PEAK1: variants seen among roughly 807,000 people sequenced by gnomAD.
PEAK1 encodes the protein inactive tyrosine-protein kinase PEAK1.
A neutral mutation model predicts 124.7 loss-of-function variants in PEAK1; 54 were observed. That is an observed-to-expected ratio of 0.43 (90% CI 0.35 to 0.54). The LOEUF is 0.54. Ranked by LOEUF, PEAK1 falls within the 20% of genes least tolerant of loss-of-function variation. The pLI, the probability that PEAK1 is intolerant of heterozygous loss-of-function variation, is 0.01. For missense variants in PEAK1, 2,046 were observed against 2,134.5 expected (o/e 0.96, Z 0.82); for synonymous variants, 719 against 760.0 (o/e 0.95, Z 0.89).
Position 77,266,565 on chromosome 15 carries a change from A to C in PEAK1, c.-274-14039T>G, listed in dbSNP as rs140637755. Among the ~76,000 whole-genome samples the C allele has an allele frequency of 4.6e-3, 697 of 152,342 alleles. 19 individuals are homozygous for C. Among genetic ancestry groups the C allele is most frequent in the Admixed American group, 0.038 (585 of 15,296 alleles). On this transcript the variant is annotated intron_variant, in intron 5 of 9. Coordinates refer to ENST00000682557, the MANE Select transcript of PEAK1 (RefSeq NM_001385026.1). ...CAAAATCTCATGACATAATGTCCAA[A>C]ATGTCTAGGTTTTGATTGAAAACCA...
chr15:77,277,894 G>A (rs1384344535), intron 5 of PEAK1, among the ~76,000 whole-genome samples: 1 of 152,086 alleles, frequency 6.6e-6, no homozygotes, highest in Non-Finnish European at 1.5e-5. Flanking sequence ...GATTTTTAGG[G>A]CAGTGAAAAT....
At chr15:77,106,125 G>C (rs1230267503), downstream of PEAK1, 1 of 152,092 alleles carries the variant, frequency 6.6e-6, no homozygotes, top group Non-Finnish European at 1.5e-5. Context: ...TATCCTTTCA[G>C]GGCTCCAGGT....
At chr15:77,205,795 A>T (rs934163507) in intron 6 of PEAK1, among the ~76,000 whole-genome samples, 2 of 152,132 alleles carry the variant, frequency 1.3e-5, no homozygotes, top group African/African-American at 4.8e-5. Flanking sequence ...TAAGCTGGGA[A>T]GTCACTGGAA....
intron 6 of PEAK1, among the ~76,000 whole-genome samples, chr15:77,241,180 T>A (rs986617292): frequency 6.6e-6 from 1 of 151,716 alleles, no homozygotes; most frequent in Non-Finnish European, 1.5e-5. Flanking sequence ...AGTCCAAAAT[T>A]TTTTTTAAAA....
intron 6 of PEAK1, among the ~76,000 whole-genome samples, chr15:77,245,825 C>G (rs573909579): frequency 7.2e-5 from 11 of 152,252 alleles, no homozygotes; most frequent in African/African-American, 2.6e-4. Context: ...TTTTACAGAT[C>G]TATTTACCCT....
intron 6 of PEAK1, among the ~76,000 whole-genome samples, chr15:77,240,446 C>T (rs923156526): frequency 3.3e-5 from 5 of 151,540 alleles, no homozygotes; most frequent in South Asian, 2.1e-4. Context: ...ACAGGAAGTC[C>T]GTCTCTACAA....
At chr15:77,362,927 C>G in intron 2 of PEAK1, among the ~76,000 whole-genome samples, 1 of 152,088 alleles carries the variant, frequency 6.6e-6, no homozygotes, top group East Asian at 1.9e-4. Context: ...GTGATCTTGG[C>G]TCACTGCAAC....
At chr15:77,307,356 A>G (rs1446097187) in intron 2 of PEAK1, among the ~76,000 whole-genome samples, 3 of 152,122 alleles carry the variant, frequency 2.0e-5, no homozygotes, top group African/African-American at 7.2e-5. Context: ...TGACATTTTC[A>G]CAAAGAACAT....
chr15:77,343,918 G>T (rs1208318416), intron 2 of PEAK1, among the ~76,000 whole-genome samples: 1 of 151,996 alleles, frequency 6.6e-6, no homozygotes, highest in Non-Finnish European at 1.5e-5. Context: ...ATCAATGTTG[G>T]GTTAGTTTTC....
At chr15:77,306,470 A>G (rs1205012654) in intron 2 of PEAK1, among the ~76,000 whole-genome samples, 2 of 152,206 alleles carry the variant, frequency 1.3e-5, no homozygotes, top group Non-Finnish European at 2.9e-5. Flanking sequence ...ATACTTTCCT[A>G]TGCCAATCAG....
intron 8 of PEAK1, among the ~76,000 whole-genome samples, chr15:77,136,391 C>A (rs533221994): frequency 1.3e-5 from 2 of 152,102 alleles, no homozygotes; most frequent in African/African-American, 4.8e-5. Context: ...TTTGGTTTGG[C>A]GCAGTGGCTC....
At chr15:77,239,672 A>G (rs1015125732) in intron 6 of PEAK1, 16 of 226,524 alleles carry the variant, frequency 7.1e-5, no homozygotes, top group Non-Finnish European at 1.2e-4. Context: ...AAAATCTTAC[A>G]ATGACTAAAA....
At chr15:77,173,196 T>C (rs2056627714) in intron 7 of PEAK1, among the ~76,000 whole-genome samples, 1 of 152,214 alleles carries the variant, frequency 6.6e-6, no homozygotes, top group African/African-American at 2.4e-5. Context: ...ACAATGCAAC[T>C]GTCAACACAA....
At chr15:77,118,641 A>G (rs941290772) in intron 9 of PEAK1, among the ~76,000 whole-genome samples, 9 of 152,148 alleles carry the variant, frequency 5.9e-5, no homozygotes, top group Non-Finnish European at 1.0e-4. Flanking sequence ...CCTTCTTTAT[A>G]AAGAGTAGCT....
rs778718448 is a variant in PEAK1, at chr15:77,179,194, A to G, written c.2733T>C (p.Ser911=). ...CATCAGCTGCCCGCCTGCTGCCTTC[A>G]GAGTGCAAAACTGATTCAGCTTCTG... is the stretch of plus-strand genomic sequence containing the variant. ...RSTEAESVLH[S]EGSRRAADAK... The change falls in exon 7 of 10, where the codon TCT becomes TCC. Residue 911 remains serine (S), a synonymous_variant. Coordinates refer to ENST00000682557, the MANE Select transcript of PEAK1 (RefSeq NM_001385026.1). 1.9e-6 allele frequency: 3 copies of G among 1,614,188 alleles called. No individual in the cohort carries two copies. The highest frequency in any genetic ancestry group is 2.5e-6 in the Non-Finnish European group (3 of 1,180,036).
At chr15:77,288,927 CAAAAA>C (rs34321536) in intron 2 of PEAK1, among the ~76,000 whole-genome samples, 1 of 86,182 alleles carries the variant, frequency 1.2e-5, no homozygotes. Flanking sequence ...GACTCCGTCT[CAAAAA>C]AAAAAAAAAA....
chr15:77,320,147 C>G (rs1386658770), intron 2 of PEAK1, among the ~76,000 whole-genome samples: 2 of 152,130 alleles, frequency 1.3e-5, no homozygotes, highest in Non-Finnish European at 2.9e-5. Flanking sequence ...GATTTTTGGC[C>G]TGGTGACCTT....
chr15:77,403,054 A>T (rs2071509889), intron 1 of PEAK1: 1 of 985,194 alleles, frequency 1.0e-6, no homozygotes, highest in Admixed American at 6.1e-5. Flanking sequence ...CCATTGCAGA[A>T]GAAAAAGATG....
At chr15:77,210,388 T>C (rs544951863) in intron 6 of PEAK1, among the ~76,000 whole-genome samples, 3 of 152,326 alleles carry the variant, frequency 2.0e-5, no homozygotes, top group East Asian at 3.9e-4. Flanking sequence ...TGTAATTCAT[T>C]TGAAACCCAG....
Sources: allele counts gnomAD v4.1 joint callset (sites outside exome capture counted in the v4.1 genomes callset), GRCh38; gene constraint gnomAD v4.1.1; transcripts MANE v1.5; gene names NCBI Gene and HGNC (gene_info 2026-07-23, HGNC 2026-07-21).